XPR1: variants seen among roughly 807,000 people sequenced by gnomAD.
XPR1 encodes the protein xenotropic and polytropic retrovirus receptor 1.
XPR1 carries 28 observed loss-of-function variants against 87.5 expected under a neutral mutation model. The ratio of observed to expected loss-of-function variants is 0.32; its 90% CI spans 0.24 to 0.44. The LOEUF is 0.44. Among genes scored for constraint, XPR1 ranks in the 20% least tolerant of loss-of-function variants. The pLI is 1.00. For synonymous variants in XPR1, 300 were observed against 306.1 expected, an observed-to-expected ratio of 0.98 and a Z score of 0.21; for missense variants, 559 against 862.3, an observed-to-expected ratio of 0.65 and a Z score of 4.41.
At chr1:180,708,331 A>G (rs1657627672) in intron 2 of XPR1, among the ~76,000 whole-genome samples, 1 of 152,188 alleles carries the variant, frequency 6.6e-6, no homozygotes, top group African/African-American at 2.4e-5. Flanking sequence ...TGTTTAATAA[A>G]CACTTTGTAA....
chr1:180,778,578 A>T (rs944479074), intron 2 of XPR1, among the ~76,000 whole-genome samples: 1 of 151,980 alleles, frequency 6.6e-6, no homozygotes, highest in African/African-American at 2.4e-5. Context: ...AGCATCCTTG[A>T]CCCCTACCCA....
chr1:180,682,587 T>C (rs1010677854), intron 2 of XPR1, among the ~76,000 whole-genome samples, 176 bp downstream of exon 2: 1 of 152,108 alleles, frequency 6.6e-6, no homozygotes, highest in Non-Finnish European at 1.5e-5. Flanking sequence ...TTTTCTCTTG[T>C]CTAGCTCACC....
At position 180,824,860 on chromosome 1, in the gene XPR1, G is replaced by C; in HGVS notation, c.871G>C (p.Gly291Arg). Residue 291 changes from glycine to arginine, a missense_variant, in exon 8 of 15, where the codon GGT becomes CGT. Gly to Arg is a moderately radical substitution (Grantham distance 125). Around this residue, in one of 7 missense-constraint regions of XPR1, gnomAD observed 6 missense variants for 29.7 expected, o/e 0.20. Transcript: ENST00000367590. ...FLFLLGINTY[G>R]WRQAGVNHVL... is the part of the protein sequence containing the mutation. ...TTTTCTACTGGGCATCAACACGTATGGTTGGAGACAGGCTGGAGTAAACCA... is the reference window on the plus strand; with the variant it reads ...TTTTCTACTGGGCATCAACACGTATCGTTGGAGACAGGCTGGAGTAAACCA... 1 of 1,614,074 alleles carries C rather than the reference G, an allele frequency of 6.2e-7. No homozygotes were observed. Among genetic ancestry groups the C allele is most frequent in the Non-Finnish European group, 8.5e-7 (1 of 1,180,012 alleles).
chr1:180,757,463 ACAG>A (rs1228905988), intron 2 of XPR1, among the ~76,000 whole-genome samples: 2 of 151,998 alleles, frequency 1.3e-5, no homozygotes. Context: ...TTGGTTTGGA[ACAG>A]CAACTGATGG....
In XPR1 at chr1:180,811,399, G is replaced by A. The variant is rs373736272; in HGVS notation, c.682-8G>A. 3.1e-6 allele frequency: 5 copies of A among 1,611,664 alleles called. No homozygotes were observed. The highest frequency in any genetic ancestry group is 1.3e-5 in the African/African-American group (1 of 74,790). On this transcript the variant is annotated splice_polypyrimidine_tract_variant and splice_region_variant and intron_variant, in intron 6 of 14. Transcript: ENST00000367590. ...TCCTGTACTCAAATACTATTTTTCT[G>A]TCCACAGCCTGCACCAGCATGGACT...
At chr1:180,714,279 T>G (rs930388543) in intron 2 of XPR1, among the ~76,000 whole-genome samples, 1 of 151,928 alleles carries the variant, frequency 6.6e-6, no homozygotes, top group Non-Finnish European at 1.5e-5. Flanking sequence ...TCATTATCAG[T>G]CTGGTTAGAG....
chr1:180,659,595 AC>A (rs1292279202), intron 1 of XPR1, among the ~76,000 whole-genome samples: 1 of 6,392 alleles, frequency 1.6e-4, no homozygotes, highest in Admixed American at 1.5e-3. Flanking sequence ...CCGCACCCCC[AC>A]CCCCCACCCC....
chr1:180,734,546 A>C (rs1261944988), intron 2 of XPR1, among the ~76,000 whole-genome samples: 1 of 152,154 alleles, frequency 6.6e-6, no homozygotes, highest in East Asian at 1.9e-4. Context: ...TGGTTTGCAG[A>C]GAAAGGAACT....
chr1:180,807,596 C>G (rs1650048179), intron 6 of XPR1, among the ~76,000 whole-genome samples: 1 of 152,198 alleles, frequency 6.6e-6, no homozygotes, highest in East Asian at 1.9e-4. Context: ...GTATATTGCA[C>G]ACACCCAGTA....
intron 2 of XPR1, among the ~76,000 whole-genome samples, chr1:180,727,409 C>A (rs1263723671): frequency 1.3e-5 from 2 of 151,926 alleles, no homozygotes; most frequent in Admixed American, 1.3e-4. Context: ...TTTGGGAGGC[C>A]GAGGCGGGCA....
At chr1:180,743,397 C>A (rs1658984047) in intron 2 of XPR1, among the ~76,000 whole-genome samples, 1 of 151,708 alleles carries the variant, frequency 6.6e-6, no homozygotes, top group Non-Finnish European at 1.5e-5. Flanking sequence ...AACATAGAAC[C>A]CTTTACACCA....
chr1:180,823,668 C>T (rs12064862), intron 7 of XPR1, among the ~76,000 whole-genome samples: 52,631 of 151,864 alleles, frequency 0.35, 9,536 homozygotes, highest in Non-Finnish European at 0.39. Context: ...TAATTACTGG[C>T]GAGCCATAGA....
At chr1:180,767,787 A>G (rs760947586) in intron 2 of XPR1, among the ~76,000 whole-genome samples, 9 of 152,124 alleles carry the variant, frequency 5.9e-5, no homozygotes, top group Non-Finnish European at 1.3e-4. Context: ...TGAGATTGTC[A>G]TGAGGATTAG....
At chr1:180,774,711 T>C (rs1005947311) in intron 2 of XPR1, among the ~76,000 whole-genome samples, 25 of 152,210 alleles carry the variant, frequency 1.6e-4, no homozygotes, top group Non-Finnish European at 2.9e-4. Flanking sequence ...CTGGCCTGTC[T>C]TTCCTATCTT....
chr1:180,846,201 G>C (rs1651674170), intron 11 of XPR1, among the ~76,000 whole-genome samples: 2 of 150,198 alleles, frequency 1.3e-5, no homozygotes, highest in South Asian at 4.2e-4. Context: ...GGCGGAGGTT[G>C]CAGTGAGCTG....
chr1:180,840,851 C>T (rs1193954845), intron 11 of XPR1, among the ~76,000 whole-genome samples: 1 of 151,838 alleles, frequency 6.6e-6, no homozygotes, highest in East Asian at 1.9e-4. Flanking sequence ...GAGTTAGATG[C>T]ATGACCAGGT....
intron 1 of XPR1, among the ~76,000 whole-genome samples, chr1:180,656,193 A>T (rs958188298): frequency 6.7e-6 from 1 of 148,974 alleles, no homozygotes; most frequent in African/African-American, 2.5e-5. Flanking sequence ...AAGTGAGAAG[A>T]TGCAAAGTTT....
At chr1:180,665,987 G>A (rs753440098) in intron 1 of XPR1, among the ~76,000 whole-genome samples, 10 of 152,084 alleles carry the variant, frequency 6.6e-5, no homozygotes, top group Non-Finnish European at 1.3e-4. Flanking sequence ...TTTGTGTGTG[G>A]TGTTAGGTAA....
chr1:180,817,877 T>C (rs1242945878), intron 7 of XPR1, among the ~76,000 whole-genome samples: 1 of 152,172 alleles, frequency 6.6e-6, no homozygotes, highest in East Asian at 1.9e-4. Context: ...TTTTTCATCA[T>C]GTTGTATACT....
Sources: allele counts gnomAD v4.1 joint callset (sites outside exome capture counted in the v4.1 genomes callset), GRCh38; gene constraint gnomAD v4.1.1; regional missense constraint gnomAD v4.1.1; transcripts MANE v1.5; gene names NCBI Gene and HGNC (gene_info 2026-07-23, HGNC 2026-07-21).